Variants in DMGDH observed in about 807,000 individuals in gnomAD.
DMGDH encodes dimethylglycine dehydrogenase.
Under a neutral mutation model 95.2 loss-of-function variants are expected in DMGDH, and 76 were observed. The ratio of observed to expected loss-of-function variants is 0.80; its 90% CI spans 0.66 to 0.97. The LOEUF (loss-of-function observed/expected upper bound fraction) is 0.97, where lower values mean the gene tolerates loss of function less well. DMGDH is among the 50% of genes least tolerant of loss of function. The pLI is 0.00. For missense variants in DMGDH, 987 were observed against 1,055.0 expected, an observed-to-expected ratio of 0.94 and a Z score of 0.89; for synonymous variants, 345 against 377.6, an observed-to-expected ratio of 0.91 and a Z score of 1.00.
At chr5:79,012,364 G>A (rs543151829) in intron 14 of DMGDH, among the ~76,000 whole-genome samples, 2 of 152,304 alleles carry the variant, frequency 1.3e-5, no homozygotes, top group Admixed American at 1.3e-4. Context: ...GGCTTTGCAG[G>A]GTTCAGCCAC....
At chr5:79,058,579 T>C (rs1326120043) in intron 2 of DMGDH, among the ~76,000 whole-genome samples, 1 of 152,086 alleles carries the variant, frequency 6.6e-6, no homozygotes, top group Non-Finnish European at 1.5e-5. Context: ...AAAGAGAAGA[T>C]GCCAGAAAGG....
chr5:79,025,731 C>G (rs886661138), intron 13 of DMGDH, among the ~76,000 whole-genome samples: 2 of 152,164 alleles, frequency 1.3e-5, no homozygotes, highest in African/African-American at 4.8e-5. Context: ...TCAGTGTCTT[C>G]CAAAGAAACA....
chr5:79,006,531 A>G (rs1193433745), intron 14 of DMGDH, among the ~76,000 whole-genome samples: 1 of 152,238 alleles, frequency 6.6e-6, no homozygotes, highest in Non-Finnish European at 1.5e-5. Context: ...TGTGAAGGAA[A>G]GGAAATTTGT....
At chr5:79,060,894 G>C (rs1755185284) in intron 2 of DMGDH, among the ~76,000 whole-genome samples, 2 of 145,680 alleles carry the variant, frequency 1.4e-5, no homozygotes, top group South Asian at 4.4e-4. Context: ...CTCCAGCCTG[G>C]CAACAGAGTG....
rs571645995 is a variant in DMGDH at position 79,006,917 on chromosome 5, A to G, written c.2251-1510T>C. Among the ~76,000 whole-genome samples, 5 of 150,932 alleles carry G rather than the reference A, an allele frequency of 3.3e-5. No homozygotes were observed. In the East Asian group the frequency reaches 9.8e-4, roughly 30 times the overall value. On this transcript the variant is annotated intron_variant, in intron 14 of 15. Transcript: ENST00000255189. Reference sequence around the variant, plus strand: ...CTACAATGAAATATGATTTCTATGGATAATCCAACTTTAAATTGCTGACCT... The same window carrying G: ...CTACAATGAAATATGATTTCTATGGGTAATCCAACTTTAAATTGCTGACCT...
intron 1 of DMGDH, among the ~76,000 whole-genome samples, chr5:79,068,727 T>C (rs1755453193): frequency 1.3e-5 from 2 of 152,186 alleles, no homozygotes; most frequent in African/African-American, 4.8e-5. Context: ...TCTACAAATA[T>C]AAGAAGTCGA....
intron 15 of DMGDH, chr5:79,001,195 C>T (rs1753447388): frequency 2.5e-6 from 1 of 399,932 alleles, no homozygotes; most frequent in East Asian, 4.0e-5. Flanking sequence ...TGGAGTCTTG[C>T]TCTGTTGCCC....
intron 11 of DMGDH, 63 bp downstream of exon 11, chr5:79,029,841 C>A: frequency 1.3e-6 from 2 of 1,547,362 alleles, no homozygotes; most frequent in South Asian, 1.2e-5. Flanking sequence ...AAAAGAAAAA[C>A]TTAATGTAAG....
chr5:79,069,474 C>G, intron 1 of DMGDH, 46 bp downstream of exon 1: 1 of 1,192,512 alleles, frequency 8.4e-7, no homozygotes, highest in Non-Finnish European at 1.1e-6. Context: ...GGCTCCCACC[C>G]CCGCAGCCGC....
intron 15 of DMGDH, chr5:79,000,973 A>G: frequency 1.4e-6 from 1 of 696,768 alleles, no homozygotes; most frequent in East Asian, 2.5e-5. Flanking sequence ...CAAAGTGTCC[A>G]TTTGGGGTCA....
At chr5:79,065,613 A>T (rs1423667766) in intron 1 of DMGDH, among the ~76,000 whole-genome samples, 1 of 152,220 alleles carries the variant, frequency 6.6e-6, no homozygotes, top group Non-Finnish European at 1.5e-5. Flanking sequence ...TATAAGTAGG[A>T]GTATACTCTA....
chr5:79,032,875 T>C lies in DMGDH; in HGVS notation c.1364-35A>G, dbSNP rs540045918. On this transcript the variant is annotated intron_variant, in intron 8 of 15. Coordinates refer to ENST00000255189, the MANE Select transcript of DMGDH (RefSeq NM_013391.3). ...AAAAATTGGTACTTTAAATCACATATAGCCAAAACAACAAGATACTTACAT... is the reference window on the plus strand; with the variant it reads ...AAAAATTGGTACTTTAAATCACATACAGCCAAAACAACAAGATACTTACAT... 9.9e-6 allele frequency: 16 copies of C among 1,612,174 alleles called. No homozygotes were observed. In the South Asian group the frequency reaches 1.5e-4, roughly 15 times the overall value.
intron 15 of DMGDH, among the ~76,000 whole-genome samples, chr5:79,001,779 G>C (rs1280199598): frequency 6.6e-6 from 1 of 152,206 alleles, no homozygotes; most frequent in East Asian, 1.9e-4. Flanking sequence ...CTTTCTGCTA[G>C]AATTTACTTT....
chr5:79,031,291 A>G (rs538981531), intron 9 of DMGDH, among the ~76,000 whole-genome samples: 1 of 152,168 alleles, frequency 6.6e-6, no homozygotes, highest in Non-Finnish European at 1.5e-5. Flanking sequence ...TCTGGAAGAG[A>G]GTTTATAAGT....
chr5:79,048,486 G>T (rs1470022071), intron 5 of DMGDH, among the ~76,000 whole-genome samples: 1 of 152,086 alleles, frequency 6.6e-6, no homozygotes, highest in African/African-American at 2.4e-5. Flanking sequence ...TTTCAGTGCT[G>T]GTCTGAGGGC....
Position 79,026,539 on chromosome 5 carries a change from A to G in DMGDH, c.2075T>C (p.Val692Ala), listed in dbSNP as rs752787112. The G allele has an allele frequency of 1.2e-6, 2 of 1,614,186 alleles. No individual in the cohort carries two copies. The highest frequency in any genetic ancestry group is 2.2e-5 in the East Asian group (1 of 44,884). Residue 692 changes from valine (V) to alanine (A), a missense_variant, in exon 13 of 16, where the codon GTG becomes GCG. Physicochemically the swap from Val to Ala is moderately conservative, Grantham distance 64. Transcript: ENST00000255189. ...ATTCATGATAGCGTCATACAGCGCC[A>G]CAGAATCTTCTCTTCTGTGATACAG... ...WELYHRREDS[V>A]ALYDAIMNAG...
chr5:79,067,765 G>A (rs1336947173), intron 1 of DMGDH, among the ~76,000 whole-genome samples: 1 of 152,078 alleles, frequency 6.6e-6, no homozygotes, highest in East Asian at 1.9e-4. Flanking sequence ...AAACTTAGGA[G>A]CCATGCAAAA....
intron 15 of DMGDH, chr5:79,001,116 G>A: frequency 1.7e-6 from 1 of 592,176 alleles, no homozygotes; most frequent in Non-Finnish European, 3.1e-6. Flanking sequence ...GTCCCCCTCA[G>A]CCATGTAGCC....
chr5:79,068,947 G>A (rs1353922644), intron 1 of DMGDH, among the ~76,000 whole-genome samples: 1 of 152,178 alleles, frequency 6.6e-6, no homozygotes, highest in South Asian at 2.1e-4. Context: ...TCAGATGCAC[G>A]TAACCTTTTC....
Sources: gnomAD v4.1 joint callset for allele counts (sites outside exome capture counted in the v4.1 genomes callset) on GRCh38, gnomAD v4.1.1 for gene constraint, MANE v1.5 for transcripts, NCBI Gene and HGNC (gene_info 2026-07-23, HGNC 2026-07-21) for gene names.